The following FNTB variants were observed in gnomAD, a reference collection of about 807,000 sequenced individuals.
FNTB encodes the protein farnesyltransferase, CAAX box, subunit beta, also known as protein farnesyltransferase subunit beta.
A neutral mutation model predicts 59.4 loss-of-function variants in FNTB; 27 were observed. The ratio of observed to expected loss-of-function variants is 0.45; its 90% CI spans 0.34 to 0.63. FNTB has a LOEUF of 0.63. Among genes scored for constraint, FNTB ranks in the 20% least tolerant of loss-of-function variants. The pLI, the probability that FNTB is intolerant of heterozygous loss-of-function variation, is 0.02. For missense variants in FNTB, 449 were observed against 559.6 expected (o/e 0.80, Z 1.99); for synonymous variants, 230 against 220.7 (o/e 1.04, Z -0.37).
At chr14:64,989,731 C>T (rs1888113251) in intron 1 of FNTB, among the ~76,000 whole-genome samples, 1 of 152,174 alleles carries the variant, frequency 6.6e-6, no homozygotes, top group Non-Finnish European at 1.5e-5. Context: ...CTTCTACGTG[C>T]CAGGCACTGT....
chr14:65,051,927 T>A (rs2062623273), intron 9 of FNTB, among the ~76,000 whole-genome samples: 1 of 151,904 alleles, frequency 6.6e-6, no homozygotes, highest in South Asian at 2.1e-4. Context: ...CCTGAGTAGC[T>A]GGGACTACAG....
At chr14:65,025,466 C>G (rs995687283) in intron 4 of FNTB, among the ~76,000 whole-genome samples, 2 of 152,034 alleles carry the variant, frequency 1.3e-5, no homozygotes, top group Non-Finnish European at 2.9e-5. Flanking sequence ...GAATTGATGA[C>G]GATTTGGAAA....
At chr14:65,058,218 C>T (rs2062783501) in intron 11 of FNTB, among the ~76,000 whole-genome samples, 1 of 147,924 alleles carries the variant, frequency 6.8e-6, no homozygotes, top group African/African-American at 2.5e-5. Flanking sequence ...TAATGTCTTT[C>T]AGTGTTTTTT....
rs922353357 is a variant in FNTB at position 65,011,267 on chromosome 14, A to G, written c.210-1050A>G. Among the ~76,000 whole-genome samples, 4 of 152,094 alleles carry G rather than the reference A, an allele frequency of 2.6e-5. No homozygotes were observed. The highest frequency in any genetic ancestry group is 4.4e-5 in the Non-Finnish European group (3 of 68,012). On this transcript the variant is annotated intron_variant, in intron 2 of 11. Coordinates refer to ENST00000246166, the MANE Select transcript of FNTB (RefSeq NM_002028.4). The surrounding 1 kb of genome is among the most constrained non-coding windows in gnomAD (Gnocchi z 4.0). ...ACATGGTGAAACCCCCGTCTCCACT[A>G]AAAATACAAAAATTAGCTGGGTGTG... is the stretch of plus-strand genomic sequence containing the variant.
chr14:65,032,723 C>T lies in FNTB; in HGVS notation c.692+27C>T, dbSNP rs770050042. The stretch of plus-strand genomic sequence containing the variant: ...TGAGAGAAGCCAGGGTTTCTCCTGG[C>T]CTCTTGGAGAGCAGGCGGTCACGAC... On this transcript the variant is annotated intron_variant, in intron 7 of 11. Coordinates refer to ENST00000246166, the MANE Select transcript of FNTB (RefSeq NM_002028.4). The surrounding 1 kb of genome is among the most constrained non-coding windows in gnomAD (Gnocchi z 5.0). The T allele has an allele frequency of 6.2e-7, 1 of 1,605,486 alleles. No individual in the cohort carries two copies.
At chr14:64,996,220 G>A (rs573461922) in intron 1 of FNTB, among the ~76,000 whole-genome samples, 1 of 152,278 alleles carries the variant, frequency 6.6e-6, no homozygotes, top group Non-Finnish European at 1.5e-5. Flanking sequence ...GGAGGCTGAG[G>A]CAGGAGGACT....
chr14:65,002,473 G>C (rs1487092518), intron 1 of FNTB, among the ~76,000 whole-genome samples: 3 of 152,302 alleles, frequency 2.0e-5, no homozygotes, highest in Admixed American at 2.0e-4. Flanking sequence ...GCTGGGCGGG[G>C]TGGTGGGCAC....
rs1395571740 is a variant in FNTB at position 65,001,373 on chromosome 14, C to G, written c.145-2876C>G. On this transcript the variant is annotated intron_variant, in intron 1 of 11. Transcript: ENST00000246166. This position sits in a 1 kb window ranked among gnomAD's most constrained non-coding sequence, Gnocchi z 5.5. ...GTATTCAGTACAGTAATATGCTGTACAGGTCTGTGGCCCAGGAGCAGTAGG... is the reference window on the plus strand; with the variant it reads ...GTATTCAGTACAGTAATATGCTGTAGAGGTCTGTGGCCCAGGAGCAGTAGG... Among the ~76,000 whole-genome samples the G allele has an allele frequency of 6.6e-6, 1 of 152,094 alleles. No homozygotes were observed. Among genetic ancestry groups the G allele is most frequent in the Admixed American group, 6.5e-5 (1 of 15,272 alleles).
chr14:65,034,957 G>A (rs2062156317), intron 7 of FNTB, among the ~76,000 whole-genome samples: 1 of 152,190 alleles, frequency 6.6e-6, no homozygotes, highest in African/African-American at 2.4e-5. Flanking sequence ...CAGTCAACTT[G>A]GTCAGACTCA....
chr14:65,006,193 A>G (rs773502372), intron 2 of FNTB: 3 of 1,609,194 alleles, frequency 1.9e-6, no homozygotes, highest in Non-Finnish European at 8.5e-7. Context: ...TCCTTAAGAA[A>G]CTTTTTCTGA....
At chr14:65,053,598 T>G (rs1176791024) in intron 10 of FNTB, among the ~76,000 whole-genome samples, 1 of 143,982 alleles carries the variant, frequency 6.9e-6, no homozygotes, top group Non-Finnish European at 1.5e-5. Context: ...GGGAAACAGA[T>G]TGCTGGGTAG....
chr14:65,044,260 G>A lies in FNTB; in HGVS notation c.823-51G>A, dbSNP rs1022488147. 1 of 1,606,986 alleles carries A rather than the reference G, an allele frequency of 6.2e-7. No individual in the cohort carries two copies. Among genetic ancestry groups the A allele is most frequent in the Non-Finnish European group, 8.5e-7 (1 of 1,177,142 alleles). ...GACTCCTGGAGATTCTGTCGGGCTG[G>A]ATTTTGTCTCTTTTAGCCTACAACT... is the stretch of plus-strand genomic sequence containing the variant. On this transcript the variant is annotated intron_variant, in intron 8 of 11. Coordinates refer to ENST00000246166, the MANE Select transcript of FNTB (RefSeq NM_002028.4). The surrounding 1 kb of genome is among the most constrained non-coding windows in gnomAD (Gnocchi z 5.5).
chr14:65,058,468 G>A (rs117961244), intron 11 of FNTB, among the ~76,000 whole-genome samples: 2,189 of 152,126 alleles, frequency 0.014, 18 homozygotes, highest in Admixed American at 0.021. Context: ...TTCTTGCCTT[G>A]TATTGTTGGG....
chr14:64,989,910 G>A (rs1298809498), intron 1 of FNTB, among the ~76,000 whole-genome samples: 1 of 152,160 alleles, frequency 6.6e-6, no homozygotes, highest in Non-Finnish European at 1.5e-5. Context: ...GGATAGAGGG[G>A]ATAGGGTGTG....
chr14:64,991,502 A>G lies in FNTB; in HGVS notation c.144+4405A>G, dbSNP rs1310540115. Reference sequence around the variant, plus strand: ...ACCTGTAATACCAGCTACTCAGGACACTGAGGCAGGTGAATCTCTTTAACC... The same window carrying G: ...ACCTGTAATACCAGCTACTCAGGACGCTGAGGCAGGTGAATCTCTTTAACC... On this transcript the variant is annotated intron_variant, in intron 1 of 11. Coordinates refer to ENST00000246166, the MANE Select transcript of FNTB (RefSeq NM_002028.4). This position sits in a 1 kb window ranked among gnomAD's most constrained non-coding sequence, Gnocchi z 4.4. 6.6e-6 allele frequency among the ~76,000 whole-genome samples: 1 copy of G among 152,076 alleles called. No homozygotes were observed. Among genetic ancestry groups the G allele is most frequent in the Non-Finnish European group, 1.5e-5 (1 of 67,996 alleles).
At chr14:65,036,087 C>T (rs1007241602) in intron 7 of FNTB, among the ~76,000 whole-genome samples, 6 of 152,074 alleles carry the variant, frequency 3.9e-5, no homozygotes, top group Admixed American at 6.6e-5. Flanking sequence ...CCTGCCTCAG[C>T]CCCACAAAGT....
At position 65,014,933 on chromosome 14, in the gene FNTB, A is replaced by G. The variant is rs142893547; in HGVS notation, c.283-692A>G. ...ATCAGTGATTGAGTTAAGCTAGGAA[A>G]TCTCTTCAGAGAATGTATATCTCCT... On this transcript the variant is annotated intron_variant, in intron 3 of 11. Coordinates refer to ENST00000246166, the MANE Select transcript of FNTB (RefSeq NM_002028.4). The surrounding 1 kb of genome is among the most constrained non-coding windows in gnomAD (Gnocchi z 5.1). Among the ~76,000 whole-genome samples, 3,977 of 152,182 alleles carry G rather than the reference A, an allele frequency of 0.026. 79 individuals carry two copies. Among genetic ancestry groups the G allele is most frequent in the South Asian group, 0.046 (223 of 4,822 alleles).
In FNTB at chr14:65,040,940, C is replaced by T. The variant is rs111476775; in HGVS notation, c.822+21C>T. ...TATTAGTAAGTATCTTTTGAGCCAT[C>T]CCCCTCTCAGGCCCCAGGTCATGGT... is the stretch of plus-strand genomic sequence containing the variant. On this transcript the variant is annotated intron_variant, in intron 8 of 11. Transcript: ENST00000246166. 3.2e-4 allele frequency: 515 copies of T among 1,610,568 alleles called. 3 individuals carry two copies. In the African/African-American group the frequency reaches 5.7e-3, roughly 18 times the overall value.
intron 1 of FNTB, chr14:64,987,596 G>A (rs1887999305): frequency 6.1e-6 from 1 of 164,698 alleles, no homozygotes; most frequent in Non-Finnish European, 1.4e-5. Context: ...GGGCATTTTG[G>A]TAGTCATTCA....
Sources: allele counts gnomAD v4.1 joint callset (sites outside exome capture counted in the v4.1 genomes callset), GRCh38; gene constraint gnomAD v4.1.1; non-coding constraint Gnocchi (gnomAD v3.1); transcripts MANE v1.5; gene names NCBI Gene and HGNC (gene_info 2026-07-23, HGNC 2026-07-21).